PTPRD: variants seen among roughly 807,000 people sequenced by gnomAD.
The protein encoded by PTPRD is protein tyrosine phosphatase receptor type D, also known as receptor-type tyrosine-protein phosphatase delta.
Under a neutral mutation model 214.5 loss-of-function variants are expected in PTPRD, and 34 were observed. The ratio of observed to expected loss-of-function variants is 0.16; its 90% CI spans 0.12 to 0.21. The LOEUF (loss-of-function observed/expected upper bound fraction) is 0.21. Among genes scored for constraint, PTPRD ranks in the 10% least tolerant of loss-of-function variants. The pLI, the probability that PTPRD is intolerant of heterozygous loss-of-function variation, is 1.00. For synonymous variants in PTPRD, 1,128 were observed against 845.7 expected (o/e 1.33, Z -5.79); for missense variants, 2,545 against 2,398.7 (o/e 1.06, Z -1.27).
intron 2 of PTPRD, among the ~76,000 whole-genome samples, chr9:10,534,753 C>T (rs1020969870): frequency 1.3e-5 from 2 of 152,232 alleles, no homozygotes; most frequent in Non-Finnish European, 1.5e-5. Context: ...TTCTATTAAT[C>T]ATCTGCATTT....
intron 9 of PTPRD, among the ~76,000 whole-genome samples, chr9:9,376,835 A>G (rs746395853): frequency 1.3e-5 from 2 of 152,150 alleles, no homozygotes; most frequent in Admixed American, 1.3e-4. Context: ...TACATAAAAC[A>G]TAATGTGGAA....
At chr9:8,774,548 T>G (rs1430906437) in intron 11 of PTPRD, among the ~76,000 whole-genome samples, 5 of 99,632 alleles carry the variant, frequency 5.0e-5, no homozygotes, top group Admixed American at 2.1e-4. Context: ...TTTTTTTTTT[T>G]TTTGAAACGG....
intron 3 of PTPRD, among the ~76,000 whole-genome samples, chr9:10,287,425 G>T (rs899441861): frequency 6.6e-6 from 1 of 152,148 alleles, no homozygotes. Flanking sequence ...TATTCTTCCT[G>T]CATTCAGTCC....
At chr9:9,132,769 G>C (rs928962292) in intron 10 of PTPRD, among the ~76,000 whole-genome samples, 1 of 152,162 alleles carries the variant, frequency 6.6e-6, no homozygotes, top group African/African-American at 2.4e-5. Flanking sequence ...CCATGCTATA[G>C]GGAATGAATG....
intron 35 of PTPRD, among the ~76,000 whole-genome samples, chr9:8,420,111 A>G (rs1389724433): frequency 6.6e-6 from 1 of 152,170 alleles, no homozygotes; most frequent in Non-Finnish European, 1.5e-5. Flanking sequence ...TCATAGCTGC[A>G]TACCAAAATC....
chr9:10,210,046 G>A (rs375919456), intron 3 of PTPRD, among the ~76,000 whole-genome samples: 14 of 152,088 alleles, frequency 9.2e-5, no homozygotes, highest in Admixed American at 5.9e-4. Flanking sequence ...ATTTTAAAAG[G>A]TGAAAAAGTT....
chr9:9,052,619 A>C (rs10759035), intron 10 of PTPRD, among the ~76,000 whole-genome samples: 1 of 151,910 alleles, frequency 6.6e-6, no homozygotes, highest in Non-Finnish European at 1.5e-5. Context: ...TAAGGCCTGG[A>C]CTTGAACCAT....
chr9:8,450,104 T>G (rs560539873), intron 33 of PTPRD, among the ~76,000 whole-genome samples: 1 of 152,294 alleles, frequency 6.6e-6, no homozygotes, highest in South Asian at 2.1e-4. Flanking sequence ...CCTTTTGGTT[T>G]CAAAGGGATC....
chr9:8,894,519 T>TG (rs755693555), intron 11 of PTPRD, among the ~76,000 whole-genome samples: 27 of 151,940 alleles, frequency 1.8e-4, no homozygotes, highest in Non-Finnish European at 3.5e-4. Flanking sequence ...ATGTGGGGGT[T>TG]GGGGGGTGCT....
At chr9:10,111,834 T>C (rs1466899685) in intron 3 of PTPRD, among the ~76,000 whole-genome samples, 2 of 152,194 alleles carry the variant, frequency 1.3e-5, no homozygotes, top group East Asian at 3.9e-4. Context: ...CTCCCCAAGC[T>C]CATTTCTTCA....
At chr9:10,290,823 GCAT>G (rs941356854) in intron 3 of PTPRD, among the ~76,000 whole-genome samples, 7 of 151,930 alleles carry the variant, frequency 4.6e-5, no homozygotes, top group African/African-American at 1.7e-4. Context: ...TTGTTAATTA[GCAT>G]CATAATTAAA....
chr9:9,371,804 T>C lies in PTPRD; in HGVS notation c.-203+25645A>G, dbSNP rs1259901541. Among the ~76,000 whole-genome samples the C allele has an allele frequency of 3.3e-5, 5 of 152,276 alleles. No individual in the cohort carries two copies. The East Asian group carries it at 7.7e-4, about 24-fold the overall frequency. On this transcript the variant is annotated intron_variant, in intron 9 of 45. Coordinates refer to ENST00000381196, the MANE Select transcript of PTPRD (RefSeq NM_002839.4). ...TTTGAATGTGTCCCAGAGATTCTGG[T>C]ATGTTGTGTCTTTGTTCTCGTTTGT...
At chr9:10,574,715 T>G (rs1159265242) in intron 2 of PTPRD, among the ~76,000 whole-genome samples, 1 of 150,700 alleles carries the variant, frequency 6.6e-6, no homozygotes, top group Non-Finnish European at 1.5e-5. Context: ...TATATTAACT[T>G]ATATCAAATT....
chr9:8,726,327 G>A (rs1286126895), intron 12 of PTPRD, among the ~76,000 whole-genome samples: 2 of 151,418 alleles, frequency 1.3e-5, no homozygotes, highest in East Asian at 2.0e-4. Flanking sequence ...GGTGGCTCAC[G>A]ACTATAATCC....
chr9:10,052,013 C>T (rs2097544427), intron 3 of PTPRD, among the ~76,000 whole-genome samples: 1 of 152,116 alleles, frequency 6.6e-6, no homozygotes, highest in African/African-American at 2.4e-5. Context: ...GTTGTGATCA[C>T]AGCTCATTGC....
chr9:9,042,698 G>C (rs1171564936), intron 10 of PTPRD, among the ~76,000 whole-genome samples: 1 of 146,492 alleles, frequency 6.8e-6, no homozygotes, highest in Non-Finnish European at 1.5e-5. Flanking sequence ...TATGACCTCT[G>C]GTGGCAGACA....
chr9:9,399,908 C>G (rs1218964125), intron 8 of PTPRD, among the ~76,000 whole-genome samples: 1 of 151,930 alleles, frequency 6.6e-6, no homozygotes, highest in Non-Finnish European at 1.5e-5. Context: ...TTGGGTATGT[C>G]CTTTATTAGC....
chr9:9,860,860 T>C lies in PTPRD; in HGVS notation c.-368+77647A>G, dbSNP rs184542304. On this transcript the variant is annotated intron_variant, in intron 5 of 45. Transcript: ENST00000381196. The stretch of plus-strand genomic sequence containing the variant: ...CAAAACAGAGATGTTGGTTTTGTTG[T>C]TTTCTTTAACTAGCATCACAAAATT... Among the ~76,000 whole-genome samples the C allele has an allele frequency of 1.1e-4, 17 of 152,330 alleles. No homozygotes were observed. In the East Asian group the frequency reaches 2.9e-3, roughly 26 times the overall value.
chr9:9,485,879 G>A (rs1240463460), intron 8 of PTPRD, among the ~76,000 whole-genome samples: 1 of 151,944 alleles, frequency 6.6e-6, no homozygotes, highest in Non-Finnish European at 1.5e-5. Context: ...TGGGCCGGGT[G>A]GGGTGGCTCA....
Sources: gnomAD v4.1 joint callset for allele counts (sites outside exome capture counted in the v4.1 genomes callset) on GRCh38, gnomAD v4.1.1 for gene constraint, MANE v1.5 for transcripts, NCBI Gene and HGNC (gene_info 2026-07-23, HGNC 2026-07-21) for gene names.